CALD1: variants seen among roughly 807,000 people sequenced by gnomAD.
CALD1 encodes the protein caldesmon 1, also known as caldesmon.
In CALD1, 33 loss-of-function variants were observed where a neutral mutation model predicts 99.9. That is an observed-to-expected ratio of 0.33 (90% CI 0.25 to 0.44). The LOEUF is 0.44. Among genes scored for constraint, CALD1 ranks in the 20% least tolerant of loss-of-function variants. The probability of loss-of-function intolerance (pLI) is 1.00; values close to 1 mark genes in which losing one functional copy is unlikely to be tolerated. For missense variants in CALD1, 861 were observed against 962.1 expected, an observed-to-expected ratio of 0.89 and a Z score of 1.39; for synonymous variants, 310 against 325.0, an observed-to-expected ratio of 0.95 and a Z score of 0.50.
In CALD1 at chr7:134,766,214, C is replaced by T. The variant is rs531762949; in HGVS notation, c.-130+21851C>T. On this transcript the variant is annotated intron_variant, in intron 1 of 13. Transcript: ENST00000417172. Reference sequence around the variant, plus strand: ...TCACCCAGGCTGGAGTGTAGTGGCACGATCTTGGCTCACTGCAACCTCTGC... The same window carrying T: ...TCACCCAGGCTGGAGTGTAGTGGCATGATCTTGGCTCACTGCAACCTCTGC... Among the ~76,000 whole-genome samples, 177 of 133,718 alleles carry T rather than the reference C, an allele frequency of 1.3e-3. 2 individuals are homozygous for T. The highest frequency in any genetic ancestry group is 5.0e-3 in the African/African-American group (168 of 33,692). The allele number at this position is 133,718 out of a possible 152,430, so 87.7% of individuals were successfully genotyped here.
chr7:134,898,149 T>C (rs1366216416), intron 3 of CALD1, among the ~76,000 whole-genome samples: 1 of 152,174 alleles, frequency 6.6e-6, no homozygotes, highest in East Asian at 1.9e-4. Flanking sequence ...GATTCTGGTC[T>C]AACTCCTTCA....
intron 3 of CALD1, among the ~76,000 whole-genome samples, chr7:134,909,919 CA>C (rs545595060): frequency 2.6e-5 from 4 of 152,086 alleles, no homozygotes; most frequent in Non-Finnish European, 5.9e-5. Context: ...ATGTGGTCAA[CA>C]GTGTCAGAGC....
intron 4 of CALD1, among the ~76,000 whole-genome samples, chr7:134,930,991 G>A (rs971066872): frequency 6.6e-6 from 1 of 152,094 alleles, no homozygotes; most frequent in Non-Finnish European, 1.5e-5. Flanking sequence ...AATTACTGGT[G>A]ATCTGTAGTT....
chr7:134,812,291 AG>A (rs1333888226), intron 1 of CALD1, among the ~76,000 whole-genome samples: 2 of 107,038 alleles, frequency 1.9e-5, no homozygotes, highest in African/African-American at 5.9e-5. Flanking sequence ...TTCATGTGGT[AG>A]AAAGTTATTA....
At chr7:134,792,262 G>A (rs548574723) in intron 1 of CALD1, among the ~76,000 whole-genome samples, 1 of 148,776 alleles carries the variant, frequency 6.7e-6, no homozygotes, top group South Asian at 2.2e-4. Flanking sequence ...TTCTGAACGT[G>A]TATCTGCATC....
chr7:134,938,220 A>C (rs1012995013), intron 6 of CALD1, among the ~76,000 whole-genome samples: 2 of 152,198 alleles, frequency 1.3e-5, no homozygotes, highest in African/African-American at 4.8e-5. Context: ...AAAGCACGTA[A>C]AACCCAGCCT....
At chr7:134,778,212 A>T (rs1157932204), upstream of CALD1, among the ~76,000 whole-genome samples, 1 of 152,154 alleles carries the variant, frequency 6.6e-6, no homozygotes, top group Non-Finnish European at 1.5e-5. Context: ...GTTGATATGG[A>T]TGCCTCTGGG....
rs148494565 is a variant in CALD1, at chr7:134,950,268, G to A, written c.1795-106G>A. 5 of 1,077,172 alleles carry A rather than the reference G, an allele frequency of 4.6e-6. No homozygotes were observed. The African/African-American group carries it at 4.7e-5, about 10-fold the overall frequency. 66.7% of individuals were successfully genotyped at this position (1,077,172 alleles called of 1,614,324 possible). A position where few individuals can be genotyped will look rare whatever the true frequency, so the allele number is the denominator to read the frequency against. ...CCTAGAAGGGGAGTGTCCAGCCTGC[G>A]GCCTGAGTCTGCTGCCTCTCCAACT... On this transcript the variant is annotated intron_variant, in intron 8 of 14. Coordinates refer to ENST00000361675, the MANE Select transcript of CALD1 (RefSeq NM_033138.4).
At position 134,947,594 on chromosome 7, in the gene CALD1, G is replaced by A. The variant is rs766829570; in HGVS notation, c.1619G>A (p.Arg540His). The stretch of plus-strand genomic sequence containing the variant: ...GCCGGCAAAAGGCTGGAGGAGCTTC[G>A]TCGTCGTCGCGGGGAGACCGAGAGC... Reference protein sequence around the residue: ...VEAGKRLEELRRRRGETESEE... With the variant: ...VEAGKRLEELHRRRGETESEE... The change falls in exon 8 of 15, where the codon CGT (arginine) becomes CAT (histidine). Residue 540 changes from arginine to histidine, a missense_variant. Around this residue, in one of 5 missense-constraint regions of CALD1, gnomAD observed 293 missense variants for 262.7 expected, o/e 1.12. Transcript: ENST00000361675. The A allele has an allele frequency of 8.3e-6, 13 of 1,561,092 alleles. No individual in the cohort carries two copies. The highest frequency in any genetic ancestry group is 1.2e-5 in the South Asian group (1 of 84,908).
upstream of CALD1, among the ~76,000 whole-genome samples, chr7:134,742,184 T>TTGG (rs144798801): frequency 0.027 from 4,052 of 152,308 alleles, 164 homozygotes; most frequent in African/African-American, 0.093. Context: ...GCTTAAGTGT[T>TTGG]ATCCAATTAG....
chr7:134,742,444 G>A (rs1796600181), upstream of CALD1, among the ~76,000 whole-genome samples: 1 of 152,198 alleles, frequency 6.6e-6, no homozygotes. Flanking sequence ...AGACATTCCA[G>A]GCTCCCAGCC....
At chr7:134,722,393 GTTTATTTATTTA>G in the CALD1 span, among the ~76,000 whole-genome samples, 6 of 150,870 alleles carry the variant, frequency 4.0e-5, no homozygotes, top group Middle Eastern at 3.4e-3. Context: ...GTTCGATTTT[GTTTATTTATTTA>G]TTTATTTATT....
chr7:134,959,927 G>C, intron 11 of CALD1, 47 bp from the exon 12 acceptor site: 2 of 1,589,716 alleles, frequency 1.3e-6, no homozygotes, highest in Middle Eastern at 1.7e-4. Flanking sequence ...AATTTTATGA[G>C]AACAAACTTC....
chr7:134,933,287 A>G lies in CALD1; in HGVS notation c.518A>G (p.Gln173Arg), dbSNP rs1358902328. The change falls in exon 5 of 15, where the codon CAG (glutamine) becomes CGG (arginine). Residue 173 changes from glutamine to arginine, a missense_variant. Around this residue, in one of 5 missense-constraint regions of CALD1, gnomAD observed 234 missense variants for 233.1 expected, o/e 1.00. Coordinates refer to ENST00000361675, the MANE Select transcript of CALD1 (RefSeq NM_033138.4). ...ACAGAAACAGTCACCAAGTCCTACC[A>G]GAAGAATGATTGGAGGGATGCTGAA... ...EETETVTKSY[Q>R]KNDWRDAEEN... 1 of 1,606,340 alleles carries G rather than the reference A, an allele frequency of 6.2e-7. No individual in the cohort carries two copies. Among genetic ancestry groups the G allele is most frequent in the Non-Finnish European group, 8.5e-7 (1 of 1,176,728 alleles).
intron 1 of CALD1, among the ~76,000 whole-genome samples, chr7:134,790,128 G>A (rs1219700996): frequency 1.3e-5 from 2 of 150,588 alleles, no homozygotes; most frequent in African/African-American, 4.9e-5. Flanking sequence ...AGAGAGGGAG[G>A]AAGGGAAAAG....
intron 3 of CALD1, among the ~76,000 whole-genome samples, chr7:134,881,811 G>A (rs1445697139): frequency 6.6e-6 from 1 of 152,166 alleles, no homozygotes; most frequent in Non-Finnish European, 1.5e-5. Flanking sequence ...GAGGGCTTAG[G>A]ACCTCAATTG....
chr7:134,883,990 T>C (rs1480128285), intron 3 of CALD1, among the ~76,000 whole-genome samples: 1 of 152,062 alleles, frequency 6.6e-6, no homozygotes. Context: ...TAATCCCAGC[T>C]ACCTGGGAGG....
chr7:134,953,324 C>A (rs1323856764), intron 9 of CALD1, among the ~76,000 whole-genome samples: 1 of 151,956 alleles, frequency 6.6e-6, no homozygotes, highest in South Asian at 2.1e-4. Context: ...ACTAAAAATA[C>A]AAAAATTAGC....
chr7:134,899,313 C>T (rs1345739276), intron 3 of CALD1, among the ~76,000 whole-genome samples: 1 of 151,862 alleles, frequency 6.6e-6, no homozygotes, highest in East Asian at 1.9e-4. Flanking sequence ...AAGCGATTCT[C>T]CTGCCTCAGC....
Sources: gnomAD v4.1 joint callset for allele counts (sites outside exome capture counted in the v4.1 genomes callset) on GRCh38, gnomAD v4.1.1 for gene constraint, gnomAD v4.1.1 regional missense constraint, MANE v1.5 for transcripts, NCBI Gene and HGNC (gene_info 2026-07-23, HGNC 2026-07-21) for gene names.